The following HNRNPUL1 variants were observed in gnomAD, a reference collection of about 807,000 sequenced individuals.
The protein encoded by HNRNPUL1 is heterogeneous nuclear ribonucleoprotein U like 1.
Under a neutral mutation model 108.5 loss-of-function variants are expected in HNRNPUL1, and 14 were observed. That is an observed-to-expected ratio of 0.13 (90% CI 0.09 to 0.20). HNRNPUL1 has a LOEUF of 0.20. Among genes scored for constraint, HNRNPUL1 ranks in the 10% least tolerant of loss-of-function variants. The pLI is 1.00. For missense variants in HNRNPUL1, 804 were observed against 1,168.3 expected (o/e 0.69, Z 4.55); for synonymous variants, 422 against 445.2 (o/e 0.95, Z 0.66).
rs1286753208 is a variant in HNRNPUL1 at position 41,287,887 on chromosome 19, TAA to T, written c.1000-4355_1000-4354del. 3.9e-5 allele frequency among the ~76,000 whole-genome samples: 6 copies of T among 152,280 alleles called. No individual in the cohort carries two copies. The South Asian group carries it at 1.0e-3, about 26-fold the overall frequency. On this transcript the variant is annotated intron_variant, in intron 7 of 14. Coordinates refer to ENST00000392006, the MANE Select transcript of HNRNPUL1 (RefSeq NM_007040.6). ...CAATATGTTTTCAATAAAACATTTT[TAA>T]AATGAAAACTGTGTTCATACTCTAC...
chr19:41,282,299 C>T (rs955252062), intron 7 of HNRNPUL1, among the ~76,000 whole-genome samples: 1 of 152,184 alleles, frequency 6.6e-6, no homozygotes, highest in African/African-American at 2.4e-5. Flanking sequence ...TCTCCTGCCT[C>T]AGCCCCCTGA....
At chr19:41,303,815 G>A (rs544955229) in intron 12 of HNRNPUL1, among the ~76,000 whole-genome samples, 157 bp from the exon 13 acceptor site, 208 of 152,282 alleles carry the variant, frequency 1.4e-3, no homozygotes, top group African/African-American at 4.8e-3. Context: ...TATGCCCGGG[G>A]GTCTAGAGAA....
Position 41,304,048 on chromosome 19 carries a change from C to A in HNRNPUL1, c.2049C>A (p.Asn683Lys), listed in dbSNP as rs1568461521. 1.2e-6 allele frequency: 2 copies of A among 1,613,878 alleles called. No homozygotes were observed. Among genetic ancestry groups the A allele is most frequent in the Non-Finnish European group, 1.7e-6 (2 of 1,179,774 alleles). ...ACAACCGGGATAACAACAACTCCAA[C>A]AACAGAGGCAGCTACAACCGGGCTC... Reference protein sequence around the residue: ...GNNNRDNNNSNNRGSYNRAPQ... With the variant: ...GNNNRDNNNSKNRGSYNRAPQ... Residue 683 changes from asparagine to lysine, a missense_variant, in exon 13 of 15, where the codon AAC (asparagine) becomes AAA (lysine). By Grantham distance (94) the Asn-to-Lys change is moderately conservative. This residue lies in a region of HNRNPUL1 where 294 missense variants were observed against 388.3 expected (regional missense o/e 0.76). Transcript: ENST00000392006.
At chr19:41,302,372 C>G (rs1363943005) in intron 11 of HNRNPUL1, 1 of 409,294 alleles carries the variant, frequency 2.4e-6, no homozygotes, top group Non-Finnish European at 4.7e-6. Context: ...GTGTCCACCA[C>G]CATGCCTGGC....
At chr19:41,265,256 G>A in intron 1 of HNRNPUL1, 1 of 1,528,820 alleles carries the variant, frequency 6.5e-7, no homozygotes, top group South Asian at 1.2e-5. Context: ...GGGAAGGAAT[G>A]TCCAGGTGTG....
chr19:41,279,539 T>C (rs1026540836), intron 6 of HNRNPUL1, among the ~76,000 whole-genome samples: 1 of 152,150 alleles, frequency 6.6e-6, no homozygotes, highest in Non-Finnish European at 1.5e-5. Flanking sequence ...GTATTTTCTG[T>C]CCGGAGCCTA....
rs1486387021 is a variant in HNRNPUL1, at chr19:41,274,012, G to C, written c.603G>C (p.Glu201Asp). ...GCTCTCCTCAGCCTCCTGCTGAAGA[G>C]GATGAAGATGACTTTGATGATACCC... ...RGRSPQPPAEEDEDDFDDTLV... is the reference protein window; with the variant it reads ...RGRSPQPPAEDDEDDFDDTLV... Residue 201 changes from glutamate (E) to aspartate (D), a missense_variant, in exon 4 of 15, where the codon GAG (glutamate) becomes GAC (aspartate). Around this residue, in one of 4 missense-constraint regions of HNRNPUL1, gnomAD observed 174 missense variants for 296.6 expected, o/e 0.59. Transcript: ENST00000392006. The C allele has an allele frequency of 1.2e-6, 2 of 1,614,160 alleles. No individual in the cohort carries two copies. Among genetic ancestry groups the C allele is most frequent in the South Asian group, 1.1e-5 (1 of 91,082 alleles).
chr19:41,272,066 T>C lies in HNRNPUL1; in HGVS notation c.419-16T>C, dbSNP rs1320799139. 4.3e-6 allele frequency: 7 copies of C among 1,612,844 alleles called. No homozygotes were observed. The East Asian group carries it at 1.6e-4, about 36-fold the overall frequency. ...CTTGCGAGTGTCTTGACCATCTGAA[T>C]TTGTCTTGACAATAGAAATGAAGAC... On this transcript the variant is annotated splice_polypyrimidine_tract_variant and intron_variant, in intron 2 of 14. Coordinates refer to ENST00000392006, the MANE Select transcript of HNRNPUL1 (RefSeq NM_007040.6).
At chr19:41,296,858 G>C (rs2036923667) in intron 10 of HNRNPUL1, among the ~76,000 whole-genome samples, 1 of 152,204 alleles carries the variant, frequency 6.6e-6, no homozygotes, top group Non-Finnish European at 1.5e-5. Flanking sequence ...TTTTTCCTGA[G>C]TGGTCAGATC....
rs71177709 is a variant in HNRNPUL1 at position 41,288,202 on chromosome 19, C to CTT, written c.1000-4027_1000-4026dup. Reference sequence around the variant, plus strand: ...AACCCACTGGTACTCGGGGTTTCATCTTTTTTTTTTTTTTTTTAACTTGTA... The same window carrying CTT: ...AACCCACTGGTACTCGGGGTTTCATCTTTTTTTTTTTTTTTTTTTAACTTGTA... On this transcript the variant is annotated intron_variant, in intron 7 of 14. Transcript: ENST00000392006. 4.3e-5 allele frequency among the ~76,000 whole-genome samples: 4 copies of CTT among 93,118 alleles called. No individual in the cohort carries two copies. The East Asian group carries it at 9.3e-4, about 22-fold the overall frequency. The allele number at this position is 93,118 out of a possible 152,430, so 61.1% of individuals were successfully genotyped here.
chr19:41,264,876 G>A (rs2034715346), intron 1 of HNRNPUL1, 78 bp downstream of exon 1: 4 of 1,343,482 alleles, frequency 3.0e-6, no homozygotes, highest in Non-Finnish European at 2.8e-6. Context: ...GGAGTCCAGC[G>A]CCTGAGGTCG....
intron 11 of HNRNPUL1, chr19:41,302,400 G>A: frequency 2.2e-6 from 1 of 464,586 alleles, no homozygotes; most frequent in South Asian, 1.9e-5. Context: ...TGTATTTTTA[G>A]TAGAGATGGG....
chr19:41,281,451 C>T (rs2035894662), intron 7 of HNRNPUL1, among the ~76,000 whole-genome samples, 176 bp downstream of exon 7: 1 of 151,942 alleles, frequency 6.6e-6, no homozygotes, highest in Non-Finnish European at 1.5e-5. Flanking sequence ...TCTGTCATTC[C>T]ATCTCCTCTG....
At chr19:41,285,170 C>T (rs2036150102) in intron 7 of HNRNPUL1, among the ~76,000 whole-genome samples, 1 of 152,086 alleles carries the variant, frequency 6.6e-6, no homozygotes, top group South Asian at 2.1e-4. Flanking sequence ...AAATTCTTTA[C>T]AGGAAAGGCA....
At chr19:41,306,306 G>T (rs2037543710) in intron 14 of HNRNPUL1, 143 bp from the exon 15 acceptor site, 1 of 589,952 alleles carries the variant, frequency 1.7e-6, no homozygotes, top group Non-Finnish European at 3.0e-6. Flanking sequence ...TCTTTCCAAG[G>T]TGCCTTGATT....
Position 41,294,203 on chromosome 19 carries a change from G to A in HNRNPUL1, c.1267-135G>A. On this transcript the variant is annotated intron_variant, in intron 8 of 14. Transcript: ENST00000392006. This position sits in a 1 kb window ranked among gnomAD's most constrained non-coding sequence, Gnocchi z 4.3. Reference sequence around the variant, plus strand: ...TTGAATCCCGATACCAGTACTGTGAGGTAGATGGTATTACTGCTTCCGCTT... The same window carrying A: ...TTGAATCCCGATACCAGTACTGTGAAGTAGATGGTATTACTGCTTCCGCTT... 4 of 882,760 alleles carry A rather than the reference G, an allele frequency of 4.5e-6. No individual in the cohort carries two copies. The highest frequency in any genetic ancestry group is 5.0e-5 in the East Asian group (2 of 39,714). The allele number at this position is 882,760 out of a possible 1,614,324, so 54.7% of individuals were successfully genotyped here.
At chr19:41,302,615 G>A in intron 11 of HNRNPUL1, 50 bp from the exon 12 acceptor site, 1 of 1,611,822 alleles carries the variant, frequency 6.2e-7, no homozygotes, top group Non-Finnish European at 8.5e-7. Flanking sequence ...GACTTCAGAA[G>A]GTACTGACCT....
chr19:41,268,538 G>A (rs951505676), intron 2 of HNRNPUL1, among the ~76,000 whole-genome samples, 193 bp downstream of exon 2: 1 of 152,152 alleles, frequency 6.6e-6, no homozygotes, highest in African/African-American at 2.4e-5. Flanking sequence ...TGGGAGAGGG[G>A]AGGTTCCATG....
Position 41,292,540 on chromosome 19 carries a change from C to T in HNRNPUL1, c.1266+29C>T, listed in dbSNP as rs1484996182. 2 of 1,595,336 alleles carry T rather than the reference C, an allele frequency of 1.3e-6. No individual in the cohort carries two copies. Among genetic ancestry groups the T allele is most frequent in the Non-Finnish European group, 1.7e-6 (2 of 1,166,276 alleles). The stretch of plus-strand genomic sequence containing the variant: ...AGTGGGGCCAGAATGTATTGGTGGC[C>T]ACCTTGCTGCCAAGACAGAGGAGAC... On this transcript the variant is annotated intron_variant, in intron 8 of 14. Transcript: ENST00000392006. This position sits in a 1 kb window ranked among gnomAD's most constrained non-coding sequence, Gnocchi z 4.1.
Sources: allele counts gnomAD v4.1 joint callset (sites outside exome capture counted in the v4.1 genomes callset), GRCh38; gene constraint gnomAD v4.1.1; regional missense constraint gnomAD v4.1.1; non-coding constraint Gnocchi (gnomAD v3.1); transcripts MANE v1.5; gene names NCBI Gene and HGNC (gene_info 2026-07-23, HGNC 2026-07-21).